SIPA1L3: variants seen among roughly 807,000 people sequenced by gnomAD.
SIPA1L3 encodes the protein signal-induced proliferation-associated 1-like protein 3.
A neutral mutation model predicts 150.1 loss-of-function variants in SIPA1L3; 59 were observed. That is an observed-to-expected ratio of 0.39 (90% confidence interval 0.32 to 0.49). The LOEUF (loss-of-function observed/expected upper bound fraction) is 0.49, where lower values mean the gene tolerates loss of function less well. Ranked by LOEUF, SIPA1L3 falls within the 20% of genes least tolerant of loss-of-function variation. The pLI, the probability that SIPA1L3 is intolerant of heterozygous loss-of-function variation, is 0.86. For missense variants in SIPA1L3, 2,211 were observed against 2,489.5 expected (o/e 0.89, Z 2.38); for synonymous variants, 1,070 against 1,077.6 (o/e 0.99, Z 0.14).
intron 1 of SIPA1L3, among the ~76,000 whole-genome samples, chr19:38,008,217 CTT>C (rs35422339): frequency 7.3e-3 from 366 of 49,992 alleles, no homozygotes; most frequent in African/African-American, 0.026. Context: ...CCATAGGCTG[CTT>C]TTTTTTTTTT....
chr19:38,203,057 C>T (rs1024334314), intron 20 of SIPA1L3, among the ~76,000 whole-genome samples: 4 of 152,210 alleles, frequency 2.6e-5, no homozygotes, highest in African/African-American at 9.6e-5. Flanking sequence ...TATATACAAC[C>T]ATCCGTGCAC....
At chr19:38,162,182 A>C in intron 13 of SIPA1L3, 71 bp from the exon 14 acceptor site, 4 of 1,210,888 alleles carry the variant, frequency 3.3e-6, no homozygotes, top group African/African-American at 3.0e-5. Context: ...CAGTCTGGCA[A>C]AGGGTCCAGA....
At chr19:38,042,778 T>C (rs1449977536) in intron 2 of SIPA1L3, among the ~76,000 whole-genome samples, 5 of 152,244 alleles carry the variant, frequency 3.3e-5, no homozygotes, top group Non-Finnish European at 5.9e-5. Flanking sequence ...TGTTTGACCT[T>C]CCTGCGTGAG....
intron 1 of SIPA1L3, among the ~76,000 whole-genome samples, chr19:37,968,326 GC>G (rs1341515864): frequency 6.6e-6 from 1 of 152,052 alleles, no homozygotes; most frequent in Non-Finnish European, 1.5e-5. Flanking sequence ...GCCCACCTCG[GC>G]CTCCAAAGTG....
At chr19:38,093,426 G>A (rs1970306059) in intron 4 of SIPA1L3, among the ~76,000 whole-genome samples, 1 of 152,088 alleles carries the variant, frequency 6.6e-6, no homozygotes, top group Non-Finnish European at 1.5e-5. Flanking sequence ...TTCCCCCTTG[G>A]AAATTCTCAG....
chr19:38,043,439 T>C (rs1968972657), intron 2 of SIPA1L3, among the ~76,000 whole-genome samples: 1 of 152,224 alleles, frequency 6.6e-6, no homozygotes, highest in Non-Finnish European at 1.5e-5. Flanking sequence ...CCAGGTGGAA[T>C]GTGATCCAAG....
At chr19:38,195,386 G>A (rs1208132223) in intron 18 of SIPA1L3, among the ~76,000 whole-genome samples, 1 of 152,166 alleles carries the variant, frequency 6.6e-6, no homozygotes, top group Non-Finnish European at 1.5e-5. Context: ...CTCCCTTCCT[G>A]TTCCTGCAGC....
rs999441913 is a variant in SIPA1L3 at position 38,182,806 on chromosome 19, G to C, written c.4430+66G>C. ...CACCAGGGCGTCTCCGGGGCGGAAA[G>C]AGGGTGATGCCACATGCTGTCATTG... On this transcript the variant is annotated intron_variant, in intron 16 of 21. Coordinates refer to ENST00000222345, the MANE Select transcript of SIPA1L3 (RefSeq NM_015073.3). 10 of 1,257,476 alleles carry C rather than the reference G, an allele frequency of 8.0e-6. No individual in the cohort carries two copies. The African/African-American group carries it at 1.2e-4, about 15-fold the overall frequency. The allele number at this position is 1,257,476 out of a possible 1,614,324, so 77.9% of individuals were successfully genotyped here.
chr19:38,199,464 G>T (rs1290501375), intron 19 of SIPA1L3, among the ~76,000 whole-genome samples: 1 of 152,240 alleles, frequency 6.6e-6, no homozygotes, highest in Non-Finnish European at 1.5e-5. Context: ...TGCCTGGCAT[G>T]CCTGGGAGCT....
At chr19:38,043,680 A>G (rs62121390) in intron 2 of SIPA1L3, among the ~76,000 whole-genome samples, 19,787 of 152,192 alleles carry the variant, frequency 0.13, 1,528 homozygotes, top group South Asian at 0.27. Context: ...TGTTGCTACT[A>G]TTACTAGTTA....
At chr19:38,068,410 ACAGT>A (rs1179562877) in intron 2 of SIPA1L3, among the ~76,000 whole-genome samples, 18 of 152,152 alleles carry the variant, frequency 1.2e-4, no homozygotes, top group Non-Finnish European at 2.5e-4. Flanking sequence ...GATTTTAAAG[ACAGT>A]CAGCGTCATT....
intron 1 of SIPA1L3, among the ~76,000 whole-genome samples, chr19:37,977,609 C>T (rs1300408718): frequency 2.0e-5 from 3 of 151,886 alleles, no homozygotes; most frequent in Admixed American, 1.3e-4. Flanking sequence ...GTAGGAGGAA[C>T]GAGGGAGAAA....
intron 1 of SIPA1L3, among the ~76,000 whole-genome samples, chr19:38,003,282 A>C (rs745935195): frequency 4.6e-5 from 7 of 152,218 alleles, no homozygotes; most frequent in Non-Finnish European, 1.0e-4. Context: ...GAGAAAACAC[A>C]AGAACCGCAG....
chr19:38,106,360 G>C, intron 6 of SIPA1L3, 177 bp from the exon 7 acceptor site: 1 of 552,572 alleles, frequency 1.8e-6, no homozygotes, highest in Non-Finnish European at 3.3e-6. Flanking sequence ...ACCTGCCTCA[G>C]CCTCCCAAAG....
chr19:38,078,657 A>G (rs1440925515), intron 2 of SIPA1L3, among the ~76,000 whole-genome samples: 1 of 152,144 alleles, frequency 6.6e-6, no homozygotes, highest in African/African-American at 2.4e-5. Flanking sequence ...GGAAGCTCCA[A>G]TAGCCATTGA....
intron 2 of SIPA1L3, among the ~76,000 whole-genome samples, chr19:38,052,799 G>A (rs1050647897): frequency 5.9e-5 from 9 of 152,278 alleles, no homozygotes; most frequent in East Asian, 3.9e-4. Flanking sequence ...ACATGGTTCC[G>A]AGTTCCTCCT....
intron 16 of SIPA1L3, among the ~76,000 whole-genome samples, chr19:38,183,177 G>A (rs930825761): frequency 2.0e-5 from 3 of 152,174 alleles, no homozygotes; most frequent in Non-Finnish European, 4.4e-5. Context: ...TGAGGGCCAC[G>A]TGGAAGGGAC....
intron 1 of SIPA1L3, among the ~76,000 whole-genome samples, chr19:37,912,541 G>A (rs1000298731): frequency 1.3e-5 from 2 of 152,088 alleles, no homozygotes; most frequent in Admixed American, 6.5e-5. Flanking sequence ...TGTTGCCCAC[G>A]CTGGAGTGCA....
chr19:38,141,301 C>A lies in SIPA1L3; in HGVS notation c.3261C>A (p.Pro1087=). Residue 1087 remains proline, a synonymous_variant, in exon 11 of 22, where the codon CCC becomes CCA. Transcript: ENST00000222345. ...RSNAPWQWSG[P]ASHNSLPASK... ...ATGCTCCCTGGCAGTGGAGCGGGCCCGCATCCCATAACTCTCTACCAGCCT... is the reference window on the plus strand; with the variant it reads ...ATGCTCCCTGGCAGTGGAGCGGGCCAGCATCCCATAACTCTCTACCAGCCT... 4 of 1,613,968 alleles carry A rather than the reference C, an allele frequency of 2.5e-6. No homozygotes were observed. Among genetic ancestry groups the A allele is most frequent in the Non-Finnish European group, 2.5e-6 (3 of 1,179,954 alleles).
Sources: allele counts gnomAD v4.1 joint callset (sites outside exome capture counted in the v4.1 genomes callset), GRCh38; gene constraint gnomAD v4.1.1; transcripts MANE v1.5; gene names NCBI Gene and HGNC (gene_info 2026-07-23, HGNC 2026-07-21).